TANC2: variants seen among roughly 807,000 people sequenced by gnomAD.
The protein encoded by TANC2 is protein TANC2.
A neutral mutation model predicts 210.5 loss-of-function variants in TANC2; 26 were observed. That is an observed-to-expected ratio of 0.12 (90% CI 0.09 to 0.17). The LOEUF (loss-of-function observed/expected upper bound fraction) is 0.17. Among genes scored for constraint, TANC2 ranks in the 10% least tolerant of loss-of-function variants. The probability of loss-of-function intolerance (pLI) is 1.00; values close to 1 mark genes in which losing one functional copy is unlikely to be tolerated. For synonymous variants in TANC2, 931 were observed against 967.1 expected, an observed-to-expected ratio of 0.96 and a Z score of 0.69; for missense variants, 2,129 against 2,608.9, an observed-to-expected ratio of 0.82 and a Z score of 4.01.
In TANC2 at chr17:63,418,046, G is replaced by A. The variant is rs1167464673; in HGVS notation, c.4168-261G>A. Among the ~76,000 whole-genome samples, 3 of 152,174 alleles carry A rather than the reference G, an allele frequency of 2.0e-5. No individual in the cohort carries two copies. The highest frequency in any genetic ancestry group is 4.4e-5 in the Non-Finnish European group (3 of 67,976). On this transcript the variant is annotated intron_variant, in intron 26 of 27. Coordinates refer to ENST00000689528, the Ensembl canonical transcript of TANC2. The surrounding 1 kb of genome is among the most constrained non-coding windows in gnomAD (Gnocchi z 4.6). ...TCCGGGCTGAGAACTTTATTAGAAAGGCAAAAAGAGGGAAAATTAAAACTA... is the reference window on the plus strand; with the variant it reads ...TCCGGGCTGAGAACTTTATTAGAAAAGCAAAAAGAGGGAAAATTAAAACTA...
rs1256980242 is a variant in TANC2, at chr17:63,421,263, G to A, written c.5533G>A (p.Glu1845Lys). ...AAGACCTATCAGTGTCAACCCTAAC[G>A]AAATCAAACCGCACCCGCCAACTCC... The change falls in exon 28 of 28, where the codon GAA (glutamate) becomes AAA (lysine). Residue 1845 changes from glutamate (E) to lysine (K), a missense_variant. Glu to Lys is a moderately conservative substitution (Grantham distance 56). Coordinates refer to ENST00000689528, the Ensembl canonical transcript of TANC2. This position sits in a 1 kb window ranked among gnomAD's most constrained non-coding sequence, Gnocchi z 6.9. 1.2e-6 allele frequency: 2 copies of A among 1,613,880 alleles called. No individual in the cohort carries two copies. Among genetic ancestry groups the A allele is most frequent in the Non-Finnish European group, 1.7e-6 (2 of 1,179,908 alleles).
chr17:63,157,440 T>C (rs991664791), intron 5 of TANC2, among the ~76,000 whole-genome samples: 5 of 152,220 alleles, frequency 3.3e-5, no homozygotes, highest in African/African-American at 1.2e-4. Flanking sequence ...GGGCAATATT[T>C]TCATTAACTG....
chr17:63,149,408 A>G (rs1232662949), intron 4 of TANC2: 2 of 151,676 alleles, frequency 1.3e-5, no homozygotes, highest in African/African-American at 2.4e-5. Flanking sequence ...TTACATTTCT[A>G]CCTTAAGTTT....
chr17:63,332,076 A>T, intron 11 of TANC2: 1 of 332,680 alleles, frequency 3.0e-6, no homozygotes, highest in Non-Finnish European at 5.9e-6. Flanking sequence ...GTCTTCCTGA[A>T]TAATTTCATC....
intron 11 of TANC2, among the ~76,000 whole-genome samples, chr17:63,323,679 A>C (rs1226816903): frequency 6.6e-6 from 1 of 152,150 alleles, no homozygotes; most frequent in Non-Finnish European, 1.5e-5. Flanking sequence ...TTGCTATATC[A>C]TTTCTTCATT....
chr17:63,347,159 A>G (rs1318395809), intron 12 of TANC2, among the ~76,000 whole-genome samples: 1 of 152,254 alleles, frequency 6.6e-6, no homozygotes, highest in Non-Finnish European at 1.5e-5. Flanking sequence ...AAAACTGGAA[A>G]CAGCCCAAGT....
At chr17:63,379,505 A>G (rs1485288989) in intron 14 of TANC2, among the ~76,000 whole-genome samples, 1 of 152,122 alleles carries the variant, frequency 6.6e-6, no homozygotes, top group Non-Finnish European at 1.5e-5. Context: ...CCCCATCTCT[A>G]CTAAAATAGA....
At chr17:63,395,601 T>C in intron 17 of TANC2, 142 bp from the exon 18 acceptor site, 2 of 678,782 alleles carry the variant, frequency 2.9e-6, no homozygotes, top group Non-Finnish European at 5.0e-6. Context: ...GAGCAGAGTC[T>C]CCTGAATTTG....
chr17:63,268,072 A>G (rs982324529), intron 9 of TANC2, among the ~76,000 whole-genome samples, 199 bp downstream of exon 9: 1 of 152,210 alleles, frequency 6.6e-6, no homozygotes, highest in African/African-American at 2.4e-5. Context: ...CCTCATAGAC[A>G]GGCATTGTGT....
chr17:63,039,399 G>A (rs2035096141), intron 2 of TANC2, among the ~76,000 whole-genome samples: 1 of 152,140 alleles, frequency 6.6e-6, no homozygotes, highest in Admixed American at 6.6e-5. Flanking sequence ...TTGGATTAAA[G>A]CAAAGTGAAA....
intron 4 of TANC2, among the ~76,000 whole-genome samples, chr17:63,109,597 T>A (rs140278165): frequency 2.6e-5 from 4 of 151,670 alleles, no homozygotes; most frequent in Non-Finnish European, 5.9e-5. Context: ...GTAATAATTA[T>A]AATAATAGTA....
chr17:63,223,334 G>C (rs1282897461), intron 7 of TANC2, among the ~76,000 whole-genome samples: 1 of 152,148 alleles, frequency 6.6e-6, no homozygotes, highest in Non-Finnish European at 1.5e-5. Context: ...AAAGAAAGCA[G>C]GTTTATTAGA....
At chr17:63,308,117 T>C (rs1194311833) in intron 9 of TANC2, among the ~76,000 whole-genome samples, 2 of 152,166 alleles carry the variant, frequency 1.3e-5, no homozygotes, top group Admixed American at 1.3e-4. Context: ...ATTATATCTC[T>C]AATTCATATT....
At chr17:63,156,472 A>G (rs373108614) in intron 5 of TANC2, among the ~76,000 whole-genome samples, 56 of 152,092 alleles carry the variant, frequency 3.7e-4, no homozygotes, top group African/African-American at 1.3e-3. Context: ...AAAAAGCTAG[A>G]AGTTGTATAG....
chr17:63,014,358 T>C (rs1236315443), intron 2 of TANC2, among the ~76,000 whole-genome samples: 7 of 152,232 alleles, frequency 4.6e-5, no homozygotes, highest in Admixed American at 4.6e-4. Flanking sequence ...ACATCAGGGC[T>C]TCCCTCAGAG....
At chr17:63,374,876 ATTGGGATGGCCAGGGAG>A (rs1442578561) in intron 14 of TANC2, among the ~76,000 whole-genome samples, 1 of 152,208 alleles carries the variant, frequency 6.6e-6, no homozygotes, top group Non-Finnish European at 1.5e-5. Flanking sequence ...AATGTAGATT[ATTGGGATGGCCAGGGAG>A]TGAGCAGTCA....
chr17:63,159,807 A>G (rs2145469263), intron 5 of TANC2, among the ~76,000 whole-genome samples: 1 of 152,298 alleles, frequency 6.6e-6, no homozygotes, highest in African/African-American at 2.4e-5. Flanking sequence ...GGGTCCTGAA[A>G]TCAGTCTGTT....
chr17:63,133,899 A>G (rs1032916694), intron 4 of TANC2, among the ~76,000 whole-genome samples: 4 of 151,220 alleles, frequency 2.6e-5, no homozygotes, highest in African/African-American at 9.9e-5. Flanking sequence ...TCATAAATCC[A>G]ACATTAGCAT....
intron 5 of TANC2, among the ~76,000 whole-genome samples, chr17:63,165,550 C>G (rs762113812): frequency 6.6e-6 from 1 of 152,200 alleles, no homozygotes; most frequent in Non-Finnish European, 1.5e-5. Flanking sequence ...TGTACTGCTA[C>G]ACTGCAGTGG....
Sources: gnomAD v4.1 joint callset for allele counts (sites outside exome capture counted in the v4.1 genomes callset) on GRCh38, gnomAD v4.1.1 for gene constraint, Gnocchi (gnomAD v3.1) non-coding constraint, MANE v1.5 for transcripts, NCBI Gene and HGNC (gene_info 2026-07-23, HGNC 2026-07-21) for gene names.